The following PID1 variants were observed in gnomAD, a reference collection of about 807,000 sequenced individuals.
PID1 encodes phosphotyrosine interaction domain containing 1.
A neutral mutation model predicts 19.1 loss-of-function variants in PID1; 10 were observed. That is an observed-to-expected ratio of 0.52 (90% CI 0.32 to 0.89). The LOEUF is 0.89. Ranked by LOEUF, PID1 falls within the 40% of genes least tolerant of loss-of-function variation. PID1 has a pLI of 0.03. For missense variants in PID1, 248 were observed against 285.3 expected (o/e 0.87, Z 0.94); for synonymous variants, 130 against 116.0 (o/e 1.12, Z -0.78).
At position 229,253,644 on chromosome 2, in the gene PID1, C is replaced by A. The variant is rs1331526640; in HGVS notation, c.30+17370G>T. Among the ~76,000 whole-genome samples, 3 of 150,982 alleles carry A rather than the reference C, an allele frequency of 2.0e-5. No homozygotes were observed. In the South Asian group the frequency reaches 6.3e-4, roughly 32 times the overall value. ...TTTCTCCATCTCCCAGTTAAGCATG[C>A]ACAGTTTTTACACGGAAGGGTACCC... On this transcript the variant is annotated intron_variant, in intron 1 of 2. Transcript: ENST00000392055.
intron 1 of PID1, among the ~76,000 whole-genome samples, chr2:229,226,940 A>C (rs1006505222): frequency 1.3e-5 from 2 of 152,196 alleles, no homozygotes; most frequent in African/African-American, 4.8e-5. Context: ...TTTTTAAAAA[A>C]TTCTGTAGTG....
chr2:229,093,807 C>T (rs908014230), intron 2 of PID1, among the ~76,000 whole-genome samples: 9 of 151,956 alleles, frequency 5.9e-5, no homozygotes, highest in Non-Finnish European at 1.0e-4. Flanking sequence ...GAGCATACCT[C>T]GAAATAATAA....
Position 229,210,525 on chromosome 2 carries a change from C to CAAAAAAA in PID1, c.31-54568_31-54562dup, listed in dbSNP as rs1170895327. On this transcript the variant is annotated intron_variant, in intron 1 of 2. Coordinates refer to ENST00000392055, the MANE Select transcript of PID1 (RefSeq NM_001100818.2). Reference sequence around the variant, plus strand: ...AAGCTCCCAGGCTGGAGTTTTGTCTCAAAAAAAAAAAAAAAAAAAAAAAAA... The same window carrying CAAAAAAA: ...AAGCTCCCAGGCTGGAGTTTTGTCTCAAAAAAAAAAAAAAAAAAAAAAAAAAAAAAAA... Among the ~76,000 whole-genome samples the CAAAAAAA allele has an allele frequency of 1.8e-3, 28 of 15,540 alleles. 1 individual carries two copies. The highest frequency in any genetic ancestry group is 3.0e-3 in the African/African-American group (11 of 3,620). The allele number at this position is 15,540 out of a possible 152,430, so 10.2% of individuals were successfully genotyped here. A position where few individuals can be genotyped will look rare whatever the true frequency, so the allele number is the denominator to read the frequency against.
At chr2:229,234,074 C>G (rs1275082892) in intron 1 of PID1, among the ~76,000 whole-genome samples, 1 of 152,132 alleles carries the variant, frequency 6.6e-6, no homozygotes, top group Non-Finnish European at 1.5e-5. Context: ...GGGGAAAGGC[C>G]AGCATGTTGA....
intron 2 of PID1, among the ~76,000 whole-genome samples, chr2:229,151,287 G>T (rs558020479): frequency 2.3e-4 from 35 of 152,232 alleles, no homozygotes; most frequent in South Asian, 6.2e-4. Context: ...AATCCGGTGG[G>T]GGGGAGCACA....
At chr2:229,270,918 G>C in intron 1 of PID1, 96 bp downstream of exon 1, 1 of 1,162,664 alleles carries the variant, frequency 8.6e-7, no homozygotes, top group Non-Finnish European at 1.2e-6. Context: ...GATGGTTTTG[G>C]GCAAATCCCC....
At chr2:229,151,608 TCAC>T (rs1412582338) in intron 2 of PID1, among the ~76,000 whole-genome samples, 2 of 151,416 alleles carry the variant, frequency 1.3e-5, no homozygotes, top group African/African-American at 4.9e-5. Flanking sequence ...TCTCGCTCTG[TCAC>T]CCAGGCTGGA....
At chr2:229,072,022 C>T (rs1342626696) in intron 2 of PID1, among the ~76,000 whole-genome samples, 1 of 152,054 alleles carries the variant, frequency 6.6e-6, no homozygotes, top group Non-Finnish European at 1.5e-5. Flanking sequence ...GTTTTGAGTA[C>T]TCATGGGATC....
chr2:229,257,989 T>C (rs1017819716), intron 1 of PID1, among the ~76,000 whole-genome samples: 2 of 152,006 alleles, frequency 1.3e-5, no homozygotes, highest in Non-Finnish European at 2.9e-5. Flanking sequence ...GGAGGAAAAA[T>C]AACAAGAAGG....
chr2:229,231,826 C>T, intron 1 of PID1: 1 of 1,524,468 alleles, frequency 6.6e-7, no homozygotes, highest in Non-Finnish European at 8.8e-7. Context: ...ACTTCCCACT[C>T]CTCTTCTTTT....
At chr2:229,054,719 TGG>T (rs59290972) in intron 2 of PID1, among the ~76,000 whole-genome samples, 415 of 17,958 alleles carry the variant, frequency 0.023, 7 homozygotes, top group African/African-American at 0.042. Context: ...TGTGTGTGTG[TGG>T]GGGGGGGGGG....
chr2:229,227,878 T>C (rs1169378410), intron 1 of PID1: 3 of 433,444 alleles, frequency 6.9e-6, no homozygotes, highest in South Asian at 1.7e-5. Flanking sequence ...ATATTAGGTA[T>C]TGTAAGTAAT....
intron 2 of PID1, among the ~76,000 whole-genome samples, chr2:229,039,723 C>T (rs1036979417): frequency 2.6e-5 from 4 of 152,066 alleles, no homozygotes; most frequent in Non-Finnish European, 5.9e-5. Context: ...ACCGGACATA[C>T]TAATGAAAAG....
At chr2:229,125,464 G>A (rs1487028206) in intron 2 of PID1, among the ~76,000 whole-genome samples, 1 of 149,952 alleles carries the variant, frequency 6.7e-6, no homozygotes, top group African/African-American at 2.4e-5. Context: ...ATACTTAAAA[G>A]TTCTTCTCTA....
At chr2:229,184,792 ATATATATCCCG>A (rs1691076447) in intron 1 of PID1, among the ~76,000 whole-genome samples, 1 of 29,198 alleles carries the variant, frequency 3.4e-5, no homozygotes, top group African/African-American at 2.0e-4. Flanking sequence ...CCGTATATAT[ATATATATCCCG>A]TATATATATA....
chr2:229,125,405 C>CAAAAA (rs5839305), intron 2 of PID1, among the ~76,000 whole-genome samples: 1 of 144,356 alleles, frequency 6.9e-6, no homozygotes. Context: ...TTCAAGTAGC[C>CAAAAA]AAAAAAAAAA....
intron 2 of PID1, among the ~76,000 whole-genome samples, chr2:229,061,121 A>G (rs1431948064): frequency 1.3e-5 from 2 of 151,878 alleles, no homozygotes; most frequent in African/African-American, 2.4e-5. Context: ...ATGCAATCTT[A>G]TTTATTTTTT....
At chr2:229,118,059 A>G (rs1357948324) in intron 2 of PID1, among the ~76,000 whole-genome samples, 1 of 152,194 alleles carries the variant, frequency 6.6e-6, no homozygotes, top group Non-Finnish European at 1.5e-5. Flanking sequence ...TTACTCCTAT[A>G]TCTTTGGTGA....
intron 1 of PID1, among the ~76,000 whole-genome samples, chr2:229,226,887 C>T (rs961002533): frequency 6.6e-6 from 1 of 152,066 alleles, no homozygotes. Context: ...TGTTCTACTG[C>T]CACTGAAATA....
Sources: gnomAD v4.1 joint callset for allele counts (sites outside exome capture counted in the v4.1 genomes callset) on GRCh38, gnomAD v4.1.1 for gene constraint, MANE v1.5 for transcripts, NCBI Gene and HGNC (gene_info 2026-07-23, HGNC 2026-07-21) for gene names.